FOXN3: variants seen among roughly 807,000 people sequenced by gnomAD.
FOXN3 encodes the protein forkhead box protein N3.
Under a neutral mutation model 38.4 loss-of-function variants are expected in FOXN3, and 7 were observed. The observed-to-expected ratio is 0.18, with a 90% CI of 0.10 to 0.34. FOXN3 has a LOEUF of 0.34. Among genes scored for constraint, FOXN3 ranks in the 10% least tolerant of loss-of-function variants. The pLI is 1.00. For synonymous variants in FOXN3, 230 were observed against 242.2 expected, an observed-to-expected ratio of 0.95 and a Z score of 0.47; for missense variants, 456 against 613.4, an observed-to-expected ratio of 0.74 and a Z score of 2.71.
At chr14:89,583,417 T>A (rs1174209872) in intron 1 of FOXN3, among the ~76,000 whole-genome samples, 1 of 152,166 alleles carries the variant, frequency 6.6e-6, no homozygotes, top group Non-Finnish European at 1.5e-5. Context: ...GGACACAGCA[T>A]TCATCCCATT....
intron 1 of FOXN3, among the ~76,000 whole-genome samples, chr14:89,466,262 T>C (rs1892974295): frequency 6.6e-6 from 1 of 152,202 alleles, no homozygotes; most frequent in Non-Finnish European, 1.5e-5. Context: ...GTTGATCCGC[T>C]TAAGGCAAAC....
rs1450064408 is a variant in FOXN3, at chr14:89,582,513, G to A, written c.-15+36515C>T. Among the ~76,000 whole-genome samples the A allele has an allele frequency of 3.6e-5, 5 of 137,642 alleles. No individual in the cohort carries two copies. In the East Asian group the frequency reaches 6.2e-4, roughly 17 times the overall value. The allele number at this position is 137,642 out of a possible 152,430, so 90.3% of individuals were successfully genotyped here. A position where few individuals can be genotyped will look rare whatever the true frequency, so the allele number is the denominator to read the frequency against. ...TTTTTTTTTTTTTTTTTTTTGAGAC[G>A]GAGTCTCGCTCTGTCACCCAGGCTG... On this transcript the variant is annotated intron_variant, in intron 1 of 6. Coordinates refer to the FOXN3 transcript ENST00000345097.
chr14:89,291,500 C>T (rs1055566212), intron 3 of FOXN3: 13 of 595,602 alleles, frequency 2.2e-5, no homozygotes, highest in African/African-American at 1.7e-4. Flanking sequence ...GCTTACCCCG[C>T]CATCCCCAGG....
At chr14:89,305,688 G>C (rs1399392921) in intron 3 of FOXN3, among the ~76,000 whole-genome samples, 1 of 152,194 alleles carries the variant, frequency 6.6e-6, no homozygotes, top group Non-Finnish European at 1.5e-5. Context: ...GCTAAATCTA[G>C]ACTAATTATA....
chr14:89,581,051 G>A (rs755584163), intron 1 of FOXN3, among the ~76,000 whole-genome samples: 1 of 151,542 alleles, frequency 6.6e-6, no homozygotes, highest in Admixed American at 6.6e-5. Context: ...TCGTGGTGGT[G>A]TGTGCCTGTA....
intron 4 of FOXN3, among the ~76,000 whole-genome samples, chr14:89,209,436 G>C (rs1381925014): frequency 6.6e-6 from 1 of 152,236 alleles, no homozygotes; most frequent in Non-Finnish European, 1.5e-5. Context: ...CGGCTGAAAG[G>C]AGGAACAGAA....
intron 4 of FOXN3, among the ~76,000 whole-genome samples, chr14:89,206,190 T>C (rs1295818752): frequency 6.6e-6 from 1 of 152,156 alleles, no homozygotes; most frequent in Non-Finnish European, 1.5e-5. Flanking sequence ...TGGACTAACA[T>C]AGTGGGTAAA....
intron 1 of FOXN3, among the ~76,000 whole-genome samples, chr14:89,500,282 C>G (rs1045919953): frequency 2.0e-5 from 3 of 152,232 alleles, no homozygotes; most frequent in African/African-American, 7.2e-5. Flanking sequence ...TGTTTGGAAG[C>G]CATCGGCACG....
In FOXN3 at chr14:89,329,585, C is replaced by T. The variant is rs567048683; in HGVS notation, c.680+21087G>A. ...ACAATTCTCTGGCCCCTGCCGGACGCGGTGGCTCAAGCCTGTAATCCCAGC... is the reference window on the plus strand; with the variant it reads ...ACAATTCTCTGGCCCCTGCCGGACGTGGTGGCTCAAGCCTGTAATCCCAGC... On this transcript the variant is annotated intron_variant, in intron 3 of 5. Coordinates refer to ENST00000557258, the MANE Select transcript of FOXN3 (RefSeq NM_005197.4). Among the ~76,000 whole-genome samples, 269 of 152,234 alleles carry T rather than the reference C, an allele frequency of 1.8e-3. 1 individual carries two copies. The highest frequency in any genetic ancestry group is 6.0e-3 in the African/African-American group (250 of 41,518).
intron 2 of FOXN3, among the ~76,000 whole-genome samples, chr14:89,364,161 CA>C (rs1890056147): frequency 6.7e-6 from 1 of 149,126 alleles, no homozygotes; most frequent in South Asian, 2.1e-4. Flanking sequence ...AGAAGAGAGG[CA>C]AAAAGAACAA....
rs138433587 is a variant in FOXN3 at position 89,337,198 on chromosome 14, G to A, written c.680+13474C>T. ...CAGATTTGGTAGTACAAAGAATTGCGATCTTCCTCTTTTAGCAGGTAGAGA... is the reference window on the plus strand; with the variant it reads ...CAGATTTGGTAGTACAAAGAATTGCAATCTTCCTCTTTTAGCAGGTAGAGA... On this transcript the variant is annotated intron_variant, in intron 3 of 5. Coordinates refer to ENST00000557258, the MANE Select transcript of FOXN3 (RefSeq NM_005197.4). 6.6e-4 allele frequency among the ~76,000 whole-genome samples: 100 copies of A among 152,258 alleles called. 1 individual carries two copies. Among genetic ancestry groups the A allele is most frequent in the Middle Eastern group, 3.4e-3 (1 of 294 alleles).
At chr14:89,239,318 C>T (rs1053088092) in intron 4 of FOXN3, among the ~76,000 whole-genome samples, 32 of 152,260 alleles carry the variant, frequency 2.1e-4, no homozygotes, top group African/African-American at 6.5e-4. Context: ...ATTTCGTAAG[C>T]GGGGTTTAAG....
rs566559533 is a variant in FOXN3 at position 89,354,621 on chromosome 14, G to A, written c.544-3813C>T. Among the ~76,000 whole-genome samples the A allele has an allele frequency of 9.9e-5, 15 of 150,940 alleles. No homozygotes were observed. The South Asian group carries it at 1.0e-3, about 11-fold the overall frequency. ...TGTAATCCCAGCACTTTGGGAGGCC[G>A]AGGTGGGTGGATCACCTGAGGTCAG... On this transcript the variant is annotated intron_variant, in intron 2 of 5. Transcript: ENST00000557258.
Position 89,180,722 on chromosome 14 carries a change from A to G in FOXN3, c.830T>C (p.Ile277Thr), listed in dbSNP as rs200626520. The change falls in exon 5 of 6, where the codon ATT becomes ACT. Residue 277 changes from isoleucine (I) to threonine (T), a missense_variant. Physicochemically the swap from Ile to Thr is moderately conservative, Grantham distance 89 (BLOSUM62 -1). Transcript: ENST00000557258. ...PGVRPLPITP[I>T]GVTAAMRNGI... ...TTACCTCATGGCCGCTGTCACCCCA[A>G]TGGGAGTGATTGGCAGCGGCCGCAC... 2.9e-5 allele frequency: 46 copies of G among 1,611,388 alleles called. No individual in the cohort carries two copies. Among genetic ancestry groups the G allele is most frequent in the East Asian group, 4.5e-5 (2 of 44,820 alleles).
At chr14:89,405,827 G>A (rs1345478436) in intron 2 of FOXN3, among the ~76,000 whole-genome samples, 1 of 152,118 alleles carries the variant, frequency 6.6e-6, no homozygotes, top group African/African-American at 2.4e-5. Context: ...GAAGCACAGA[G>A]AGATCATCTA....
intron 4 of FOXN3, among the ~76,000 whole-genome samples, chr14:89,270,723 C>T (rs964341748): frequency 6.6e-6 from 1 of 152,172 alleles, no homozygotes; most frequent in Non-Finnish European, 1.5e-5. Context: ...GGATGCTACA[C>T]AGATCATCAT....
rs1255857701 is a variant in FOXN3, at chr14:89,446,103, A to AT, written c.-14-33614_-14-33613insA. Among the ~76,000 whole-genome samples, 4 of 147,712 alleles carry AT rather than the reference A, an allele frequency of 2.7e-5. 1 individual carries two copies. The highest frequency in any genetic ancestry group is 1.0e-4 in the African/African-American group (4 of 39,912). On this transcript the variant is annotated intron_variant, in intron 1 of 6. Coordinates refer to the FOXN3 transcript ENST00000345097. ...ACCCTGCCTCAAAAAAAAAAAAAAA[A>AT]AAAAAAAATTTTAAGGAAGAGTTGG...
chr14:89,347,686 G>T (rs748398357), intron 3 of FOXN3, among the ~76,000 whole-genome samples: 6 of 152,164 alleles, frequency 3.9e-5, no homozygotes, highest in Non-Finnish European at 7.3e-5. Flanking sequence ...GGGCGCGGTG[G>T]CTCACGCCTG....
rs75577368 is a variant in FOXN3 at position 89,445,613 on chromosome 14, C to T, written c.-14-33123G>A. Among the ~76,000 whole-genome samples the T allele has an allele frequency of 7.5e-3, 1,138 of 152,306 alleles. 23 individuals are homozygous for T. Among genetic ancestry groups the T allele is most frequent in the African/African-American group, 0.026 (1,093 of 41,568 alleles). Reference sequence around the variant, plus strand: ...GCAAGGCAGCCTGGCTGCTGTCCTGCCTCCTGGGGAAAACTCCAGGCCTTT... The same window carrying T: ...GCAAGGCAGCCTGGCTGCTGTCCTGTCTCCTGGGGAAAACTCCAGGCCTTT... On this transcript the variant is annotated intron_variant, in intron 1 of 6. Coordinates refer to the FOXN3 transcript ENST00000345097.
Sources: allele counts gnomAD v4.1 joint callset (sites outside exome capture counted in the v4.1 genomes callset), GRCh38; gene constraint gnomAD v4.1.1; transcripts MANE v1.5; gene names NCBI Gene and HGNC (gene_info 2026-07-23, HGNC 2026-07-21).